Variants in ACP3 observed in about 807,000 individuals in gnomAD.
ACP3 encodes the protein acid phosphatase 3.
Under a neutral mutation model 45.6 loss-of-function variants are expected in ACP3, and 38 were observed. The observed-to-expected ratio is 0.83, with a 90% confidence interval of 0.64 to 1.09. The LOEUF (loss-of-function observed/expected upper bound fraction) is 1.09. ACP3 is among the 50% of genes least tolerant of loss of function. The pLI is 0.00. For missense variants in ACP3, 466 were observed against 463.2 expected, an observed-to-expected ratio of 1.01 and a Z score of -0.05; for synonymous variants, 162 against 164.7, an observed-to-expected ratio of 0.98 and a Z score of 0.13.
At chr3:132,352,005 A>G (rs981905981) in intron 8 of ACP3, among the ~76,000 whole-genome samples, 4 of 152,144 alleles carry the variant, frequency 2.6e-5, no homozygotes, top group African/African-American at 9.7e-5. Flanking sequence ...TTCTTCCACA[A>G]CTTTAAATCA....
At chr3:132,344,664 A>G (rs1410492563) in intron 6 of ACP3, among the ~76,000 whole-genome samples, 3 of 152,124 alleles carry the variant, frequency 2.0e-5, no homozygotes, top group Non-Finnish European at 1.5e-5. Context: ...CTGCACCCTT[A>G]CTCTGCAAAA....
Position 132,356,852 on chromosome 3 carries a change from C to A in ACP3, c.1135C>A (p.Gln379Lys), listed in dbSNP as rs986956105. 4.3e-6 allele frequency: 7 copies of A among 1,614,118 alleles called. No homozygotes were observed. Among genetic ancestry groups the A allele is most frequent in the Non-Finnish European group, 5.9e-6 (7 of 1,180,018 alleles). ...GGAGTGTATGACCACAAACAGCCAT[C>A]AAGGTACTGAAGACAGTACAGATTA... ...STECMTTNSHQGTEDSTD is the reference protein window; with the variant it reads ...STECMTTNSHKGTEDSTD The change falls in exon 10 of 10, where the codon CAA (glutamine) becomes AAA (lysine). Residue 379 changes from glutamine (Q) to lysine (K), a missense_variant. Physicochemically the swap from Gln to Lys is moderately conservative, Grantham distance 53. Transcript: ENST00000336375.
chr3:132,347,875 A>G (rs1192477493), intron 7 of ACP3, among the ~76,000 whole-genome samples: 2 of 148,170 alleles, frequency 1.3e-5, no homozygotes, highest in Non-Finnish European at 3.0e-5. Flanking sequence ...ACACACACCA[A>G]AAAAATCCCT....
chr3:132,327,513 CGAAAA>C (rs1045344412), intron 1 of ACP3, among the ~76,000 whole-genome samples: 5 of 126,126 alleles, frequency 4.0e-5, no homozygotes, highest in African/African-American at 6.5e-5. Flanking sequence ...GACTCAGTCT[CGAAAA>C]AAAAAAAAAA....
chr3:132,326,562 T>C lies in ACP3; in HGVS notation c.121-1705T>C, dbSNP rs565804735. Among the ~76,000 whole-genome samples the C allele has an allele frequency of 3.9e-5, 6 of 152,270 alleles. No individual in the cohort carries two copies. The East Asian group carries it at 1.2e-3, about 29-fold the overall frequency. ...TTAACATTTATTGCATCATTGCCCC[T>C]GTTTCTGTAGACTACTCTACCGAAG... is the stretch of plus-strand genomic sequence containing the variant. On this transcript the variant is annotated intron_variant, in intron 1 of 9. Coordinates refer to ENST00000336375, the MANE Select transcript of ACP3 (RefSeq NM_001099.5).
At chr3:132,322,266 C>T (rs1937220152) in intron 1 of ACP3, among the ~76,000 whole-genome samples, 1 of 152,174 alleles carries the variant, frequency 6.6e-6, no homozygotes. Flanking sequence ...GGATCAAAGT[C>T]TTATTAGACT....
intron 1 of ACP3, among the ~76,000 whole-genome samples, chr3:132,325,556 G>T (rs1937283156): frequency 7.1e-6 from 1 of 141,014 alleles, no homozygotes; most frequent in African/African-American, 2.7e-5. Context: ...TGCCTTCGGG[G>T]TAGTTTCCGT....
At chr3:132,346,457 G>A (rs1559838512) in intron 7 of ACP3, among the ~76,000 whole-genome samples, 1 of 152,208 alleles carries the variant, frequency 6.6e-6, no homozygotes, top group African/African-American at 2.4e-5. Context: ...TGATAGAAAT[G>A]TGCAAGTCCT....
intron 1 of ACP3, among the ~76,000 whole-genome samples, chr3:132,324,666 C>T (rs371171411): frequency 4.0e-4 from 61 of 152,172 alleles, no homozygotes; most frequent in Middle Eastern, 3.4e-3. Flanking sequence ...TATTTTGAGA[C>T]GGAGTCTCAC....
intron 1 of ACP3, 65 bp from the exon 2 acceptor site, chr3:132,328,202 A>T: frequency 7.7e-7 from 1 of 1,306,682 alleles, no homozygotes; most frequent in Non-Finnish European, 1.1e-6. Flanking sequence ...AAAAACTATT[A>T]TAATGAGCAG....
At chr3:132,332,080 T>C in intron 3 of ACP3, 112 bp from the exon 4 acceptor site, 2 of 1,177,154 alleles carry the variant, frequency 1.7e-6, no homozygotes, top group Non-Finnish European at 2.5e-6. Context: ...GCACAATGTC[T>C]GTAATATTTC....
intron 6 of ACP3, among the ~76,000 whole-genome samples, 163 bp from the exon 7 acceptor site, chr3:132,344,764 A>G (rs1374528813): frequency 6.6e-6 from 1 of 152,226 alleles, no homozygotes; most frequent in African/African-American, 2.4e-5. Context: ...TTCTTCTGAA[A>G]GTCAATACCA....
chr3:132,359,330 G>C (rs182650699), downstream of ACP3, among the ~76,000 whole-genome samples: 42 of 152,226 alleles, frequency 2.8e-4, no homozygotes, highest in East Asian at 6.2e-3. Context: ...GGCTAACACG[G>C]TGAAACCCCA....
Position 132,352,814 on chromosome 3 carries a change from T to C in ACP3, c.959T>C (p.Phe320Ser). ...YASCHLTELYFEKGEYFVEMY... is the reference protein window; with the variant it reads ...YASCHLTELYSEKGEYFVEMY... ...TCTTGCCACTTGACGGAATTGTACT[T>C]TGAGAAGGGGTAAGTGACTAAGTGC... The change falls in exon 9 of 10, where the codon TTT becomes TCT. Residue 320 changes from phenylalanine (F) to serine (S), a missense_variant. Transcript: ENST00000336375. The C allele has an allele frequency of 1.2e-6, 2 of 1,607,340 alleles. No homozygotes were observed. Among genetic ancestry groups the C allele is most frequent in the Non-Finnish European group, 1.7e-6 (2 of 1,173,910 alleles).
intron 4 of ACP3, among the ~76,000 whole-genome samples, chr3:132,335,582 A>G (rs541944049): frequency 1.3e-5 from 2 of 152,346 alleles, no homozygotes; most frequent in Non-Finnish European, 2.9e-5. Context: ...ATAAAGAAGT[A>G]AAATAAAATA....
intron 1 of ACP3, among the ~76,000 whole-genome samples, chr3:132,321,076 G>A (rs1426984340): frequency 2.6e-5 from 4 of 152,102 alleles, no homozygotes; most frequent in Non-Finnish European, 4.4e-5. Flanking sequence ...GGAGCTAGAG[G>A]ATCACTTGAG....
chr3:132,339,719 G>T (rs1309469609), intron 5 of ACP3, among the ~76,000 whole-genome samples: 1 of 152,228 alleles, frequency 6.6e-6, no homozygotes, highest in African/African-American at 2.4e-5. Flanking sequence ...TCAGCTCTCT[G>T]AAGGCTCTCT....
chr3:132,349,928 G>T lies in ACP3; in HGVS notation c.790G>T (p.Val264Phe). The T allele has an allele frequency of 6.2e-7, 1 of 1,611,522 alleles. No homozygotes were observed. The highest frequency in any genetic ancestry group is 8.5e-7 in the Non-Finnish European group (1 of 1,177,804). The stretch of plus-strand genomic sequence containing the variant: ...GATTCATCTTCTTTAAGGTGTCCTG[G>T]TCAATGAAATCCTCAATCACATGAA... ...EKSRLQGGVL[V>F]NEILNHMKRA... The change falls in exon 8 of 10, where the codon GTC becomes TTC. Residue 264 changes from valine to phenylalanine, a missense_variant. Val to Phe is a conservative substitution (Grantham distance 50). Coordinates refer to ENST00000336375, the MANE Select transcript of ACP3 (RefSeq NM_001099.5).
Position 132,358,621 on chromosome 3 carries a change from A to G in ACP3, c.*1743A>G, listed in dbSNP as rs1804133. ...TGGTCACAGAATGACTGACAAAGAC[A>G]TCGATTGATATGCTTCTTTGTGTTA... On this transcript the variant is annotated 3_prime_UTR_variant, in exon 10 of 10. Coordinates refer to ENST00000336375, the MANE Select transcript of ACP3 (RefSeq NM_001099.5). 8.5e-6 allele frequency: 9 copies of G among 1,057,110 alleles called. No homozygotes were observed. Among genetic ancestry groups the G allele is most frequent in the Non-Finnish European group, 8.1e-6 (7 of 865,438 alleles). The allele number at this position is 1,057,110 out of a possible 1,614,324, so 65.5% of individuals were successfully genotyped here. A position where few individuals can be genotyped will look rare whatever the true frequency, so the allele number is the denominator to read the frequency against.
Sources: gnomAD v4.1 joint callset for allele counts (sites outside exome capture counted in the v4.1 genomes callset) on GRCh38, gnomAD v4.1.1 for gene constraint, MANE v1.5 for transcripts, NCBI Gene and HGNC (gene_info 2026-07-23, HGNC 2026-07-21) for gene names.